Variants in NRDC observed in about 807,000 individuals in gnomAD.
The protein encoded by NRDC is nardilysin.
Under a neutral mutation model 147.1 loss-of-function variants are expected in NRDC, and 54 were observed. The observed-to-expected ratio is 0.37, with a 90% confidence interval of 0.29 to 0.46. The LOEUF (loss-of-function observed/expected upper bound fraction) is 0.46, where lower values mean the gene tolerates loss of function less well. NRDC is among the 20% of genes least tolerant of loss of function. NRDC has a pLI of 1.00. For missense variants in NRDC, 1,082 were observed against 1,370.6 expected (o/e 0.79, Z 3.33); for synonymous variants, 440 against 482.1 (o/e 0.91, Z 1.14).
chr1:51,847,958 G>T (rs1681738393), intron 1 of NRDC, among the ~76,000 whole-genome samples: 2 of 152,370 alleles, frequency 1.3e-5, no homozygotes, highest in Admixed American at 1.3e-4. Context: ...ATTCATTTAT[G>T]ATTTGTACAA....
chr1:51,870,394 ATTC>A (rs1161395145), intron 1 of NRDC, among the ~76,000 whole-genome samples: 1 of 152,222 alleles, frequency 6.6e-6, no homozygotes, highest in Non-Finnish European at 1.5e-5. Flanking sequence ...CTACTGCTTT[ATTC>A]TTAAAATACT....
chr1:51,844,867 AAGGAAG>A (rs1681473469), intron 1 of NRDC, among the ~76,000 whole-genome samples: 1 of 134,668 alleles, frequency 7.4e-6, no homozygotes, highest in Non-Finnish European at 1.6e-5. Flanking sequence ...GGAAGGAAGG[AAGGAAG>A]GAAGGAAGGA....
At chr1:51,846,607 A>T (rs1276148371) in intron 1 of NRDC, among the ~76,000 whole-genome samples, 1 of 151,922 alleles carries the variant, frequency 6.6e-6, no homozygotes, top group Non-Finnish European at 1.5e-5. Flanking sequence ...GTGGGTTCGT[A>T]CTCTCGCTGG....
At chr1:51,858,395 C>T (rs1253050458) in intron 1 of NRDC, among the ~76,000 whole-genome samples, 1 of 150,852 alleles carries the variant, frequency 6.6e-6, no homozygotes, top group Admixed American at 6.6e-5. Context: ...GGGAAATTCA[C>T]TTGAGCCCAG....
chr1:51,865,306 TTTTG>T (rs1682751217), intron 1 of NRDC, among the ~76,000 whole-genome samples: 2 of 151,272 alleles, frequency 1.3e-5, no homozygotes, highest in South Asian at 2.1e-4. Context: ...AAGTTTTTCG[TTTTG>T]TTTTTTTTTT....
At chr1:51,803,597 T>A (rs1679315807) in intron 20 of NRDC, among the ~76,000 whole-genome samples, 1 of 152,156 alleles carries the variant, frequency 6.6e-6, no homozygotes, top group Non-Finnish European at 1.5e-5. Flanking sequence ...TCCTAAAGCA[T>A]GGGCTATAAT....
At chr1:51,790,495 G>T in intron 29 of NRDC, 38 bp downstream of exon 29, 1 of 1,305,520 alleles carries the variant, frequency 7.7e-7, no homozygotes, top group South Asian at 1.2e-5. Context: ...CAGGAACCTT[G>T]ACCAGTTTGA....
chr1:51,805,439 T>C, intron 19 of NRDC, 71 bp downstream of exon 19: 1 of 1,194,704 alleles, frequency 8.4e-7, no homozygotes. Context: ...GACAGAATGA[T>C]TTAGAATGAA....
intron 22 of NRDC, 72 bp downstream of exon 22, chr1:51,798,177 A>G (rs544725602): frequency 7.4e-6 from 11 of 1,479,724 alleles, no homozygotes; most frequent in East Asian, 4.6e-5. Flanking sequence ...CTTCCCCTTT[A>G]GGAAAGAACT....
At chr1:51,871,342 T>A (rs2124131353) in intron 1 of NRDC, among the ~76,000 whole-genome samples, 1 of 151,664 alleles carries the variant, frequency 6.6e-6, no homozygotes, top group South Asian at 2.1e-4. Flanking sequence ...CACTCTCCAT[T>A]CATCCTTAAC....
At chr1:51,807,027 T>C (rs1376636227) in intron 17 of NRDC, 114 bp from the exon 18 acceptor site, 2 of 1,297,032 alleles carry the variant, frequency 1.5e-6, no homozygotes, top group Non-Finnish European at 1.0e-6. Context: ...ATAAGCCAAA[T>C]TCAAATGTTG....
rs1458431938 is a variant in NRDC, at chr1:51,809,351, G to C, written c.1954C>G (p.Pro652Ala). Residue 652 changes from proline (P) to alanine (A), a missense_variant, in exon 17 of 31, where the codon CCA (proline) becomes GCA (alanine). By Grantham distance (27) the Pro-to-Ala change is conservative. Transcript: ENST00000352171. ...ELWNSNFELN[P>A]DLHLPAENKY... ...TTTTCAGCTGGAAGATGAAGATCTGGATTTAATTCGAAATTACTATTCCAC... is the reference window on the plus strand; with the variant it reads ...TTTTCAGCTGGAAGATGAAGATCTGCATTTAATTCGAAATTACTATTCCAC... The C allele has an allele frequency of 6.2e-7, 1 of 1,613,614 alleles. No individual in the cohort carries two copies. The highest frequency in any genetic ancestry group is 8.5e-7 in the Non-Finnish European group (1 of 1,179,748).
chr1:51,840,825 C>T (rs1681233074), intron 1 of NRDC, among the ~76,000 whole-genome samples: 1 of 152,138 alleles, frequency 6.6e-6, no homozygotes, highest in African/African-American at 2.4e-5. Flanking sequence ...TAAAGATATG[C>T]AACTCACCAC....
At chr1:51,878,069 G>A (rs2124167159) in intron 1 of NRDC, 1 of 1,401,804 alleles carries the variant, frequency 7.1e-7, no homozygotes, top group African/African-American at 1.4e-5. Context: ...CCATTCTGAC[G>A]TCTTACAACC....
At chr1:51,874,280 G>A (rs72901965) in intron 1 of NRDC, among the ~76,000 whole-genome samples, 5,102 of 151,964 alleles carry the variant, frequency 0.034, 282 homozygotes, top group African/African-American at 0.12. Context: ...AATACCTAAC[G>A]TTAAGTGTTC....
chr1:51,852,543 A>ATTTATAGTTTTAAAC (rs1682018168), intron 1 of NRDC, among the ~76,000 whole-genome samples: 1 of 82 alleles, frequency 0.012, no homozygotes. Context: ...TATAGTTTAT[A>ATTTATAGTTTTAAAC]TATATAGTTT....
intron 1 of NRDC, among the ~76,000 whole-genome samples, chr1:51,844,690 G>T (rs1411892166): frequency 1.3e-5 from 2 of 150,296 alleles, no homozygotes; most frequent in Admixed American, 1.3e-4. Flanking sequence ...GCTGCAGTGA[G>T]CCGAGATGGC....
At position 51,838,688 on chromosome 1, in the gene NRDC, G is replaced by C. The variant is rs535136661; in HGVS notation, c.630+1538C>G. 3.3e-5 allele frequency among the ~76,000 whole-genome samples: 5 copies of C among 152,078 alleles called. No homozygotes were observed. The East Asian group carries it at 7.7e-4, about 23-fold the overall frequency. ...AAAATCACGCAGAAAGAAAGGAACA[G>C]AGCCAGAAGTAGAACCCAGGTTTCC... On this transcript the variant is annotated intron_variant, in intron 2 of 30. Transcript: ENST00000352171.
chr1:51,846,481 C>T (rs1011063463), intron 1 of NRDC, among the ~76,000 whole-genome samples: 1 of 152,232 alleles, frequency 6.6e-6, no homozygotes, highest in Non-Finnish European at 1.5e-5. Context: ...CTTGGTCTCA[C>T]TGACTTCAAG....
Sources: allele counts gnomAD v4.1 joint callset (sites outside exome capture counted in the v4.1 genomes callset), GRCh38; gene constraint gnomAD v4.1.1; transcripts MANE v1.5; gene names NCBI Gene and HGNC (gene_info 2026-07-23, HGNC 2026-07-21).